Variants in PPFIA1 observed in about 807,000 individuals in gnomAD.
The protein encoded by PPFIA1 is PPFI scaffold protein A1.
In PPFIA1, 25 loss-of-function variants were observed where a neutral mutation model predicts 149.9. That is an observed-to-expected ratio of 0.17 (90% CI 0.12 to 0.23). The LOEUF is 0.23. Ranked by LOEUF, PPFIA1 falls within the 10% of genes least tolerant of loss-of-function variation. The pLI is 1.00. For synonymous variants in PPFIA1, 549 were observed against 552.8 expected, an observed-to-expected ratio of 0.99 and a Z score of 0.10; for missense variants, 1,362 against 1,506.5, an observed-to-expected ratio of 0.90 and a Z score of 1.59.
intron 4 of PPFIA1, 129 bp downstream of exon 4, chr11:70,325,140 G>T: frequency 1.1e-5 from 10 of 870,702 alleles, no homozygotes; most frequent in Non-Finnish European, 1.7e-5. Context: ...AAGAAGACAG[G>T]GTTTTGTAGG....
At chr11:70,294,196 C>T (rs968107065) in intron 2 of PPFIA1, among the ~76,000 whole-genome samples, 1 of 152,042 alleles carries the variant, frequency 6.6e-6, no homozygotes, top group Non-Finnish European at 1.5e-5. Flanking sequence ...TCTACCTCGG[C>T]CTCCCAAAGT....
Position 70,333,582 on chromosome 11 carries a change from G to A in PPFIA1, c.1296+29G>A, listed in dbSNP as rs202121676. The A allele has an allele frequency of 1.3e-4, 204 of 1,564,464 alleles. No homozygotes were observed. In the African/African-American group the frequency reaches 2.4e-3, roughly 18 times the overall value. On this transcript the variant is annotated intron_variant, in intron 10 of 27. Transcript: ENST00000253925. ...AGCATGCAGCCCTGAGGGTGGGGGC[G>A]CTGAGTGGGTGCTGCAAGGTCATTG...
chr11:70,350,862 A>G, intron 16 of PPFIA1: 2 of 307,136 alleles, frequency 6.5e-6, no homozygotes, highest in Non-Finnish European at 9.9e-6. Flanking sequence ...GTATCCAGTT[A>G]CATTTTCTCT....
intron 14 of PPFIA1, among the ~76,000 whole-genome samples, chr11:70,341,558 G>A (rs2055332981): frequency 6.6e-6 from 1 of 152,162 alleles, no homozygotes; most frequent in South Asian, 2.1e-4. Context: ...GTCCAGGGGA[G>A]GTGGCAGGTT....
intron 2 of PPFIA1, among the ~76,000 whole-genome samples, chr11:70,317,810 G>C (rs551325724): frequency 2.0e-4 from 30 of 152,276 alleles, no homozygotes; most frequent in Non-Finnish European, 3.1e-4. Context: ...GAGTTGTGAA[G>C]TGCTCTTCCT....
chr11:70,334,861 TGAG>T (rs1271140874), intron 10 of PPFIA1, among the ~76,000 whole-genome samples: 2 of 152,210 alleles, frequency 1.3e-5, no homozygotes, highest in African/African-American at 4.8e-5. Flanking sequence ...ACTTGGGCGA[TGAG>T]GGCATGGAGG....
chr11:70,333,108 G>T (rs1042426565), intron 9 of PPFIA1: 3 of 471,022 alleles, frequency 6.4e-6, no homozygotes, highest in Admixed American at 4.7e-5. Flanking sequence ...TAGAATGGGT[G>T]CACTGCTCCT....
At chr11:70,278,036 G>A (rs944430088) in intron 2 of PPFIA1, among the ~76,000 whole-genome samples, 1 of 151,654 alleles carries the variant, frequency 6.6e-6, no homozygotes, top group Non-Finnish European at 1.5e-5. Context: ...TCAGCCGCCC[G>A]AGTAGCTGGA....
At chr11:70,277,060 A>AATATATATATATATATATATATATAT (rs2050438033) in intron 2 of PPFIA1, among the ~76,000 whole-genome samples, 1 of 66,326 alleles carries the variant, frequency 1.5e-5, no homozygotes, top group African/African-American at 1.2e-4. Context: ...ATATATATAT[A>AATATATATATATATATATATATATAT]TTTTTTTTTT....
chr11:70,296,620 G>A (rs965500128), intron 2 of PPFIA1, among the ~76,000 whole-genome samples: 2 of 151,674 alleles, frequency 1.3e-5, no homozygotes, highest in Admixed American at 6.6e-5. Context: ...GCAGTGAGCC[G>A]AGATGGCAGC....
At position 70,287,696 on chromosome 11, in the gene PPFIA1, C is replaced by T. The variant is rs575302649; in HGVS notation, c.264+15260C>T. ...TTTCACTCTGTTTCCTAGGCTGGAG[C>T]GCAGTGACACAATCACAGCTCACCG... is the stretch of plus-strand genomic sequence containing the variant. On this transcript the variant is annotated intron_variant, in intron 2 of 27. Transcript: ENST00000253925. Among the ~76,000 whole-genome samples the T allele has an allele frequency of 4.5e-4, 68 of 151,570 alleles. 1 individual carries two copies. The South Asian group carries it at 0.013, about 30-fold the overall frequency.
At chr11:70,272,534 T>A in intron 2 of PPFIA1, 98 bp downstream of exon 2, 1 of 1,346,718 alleles carries the variant, frequency 7.4e-7, no homozygotes, top group Non-Finnish European at 1.0e-6. Context: ...GTATTTTCCG[T>A]AACGATTTGT....
At chr11:70,378,835 G>A (rs908668662) in intron 26 of PPFIA1, among the ~76,000 whole-genome samples, 1 of 152,136 alleles carries the variant, frequency 6.6e-6, no homozygotes, top group East Asian at 1.9e-4. Flanking sequence ...TCCCTTAGAC[G>A]GCCACTTTGA....
intron 18 of PPFIA1, among the ~76,000 whole-genome samples, 153 bp downstream of exon 18, chr11:70,355,964 T>C (rs2056340156): frequency 6.6e-6 from 1 of 152,228 alleles, no homozygotes; most frequent in Non-Finnish European, 1.5e-5. Flanking sequence ...AGCAGCAGTT[T>C]ATGCTCACTT....
rs550273485 is a variant in PPFIA1, at chr11:70,296,607, G to A, written c.264+24171G>A. 2.0e-4 allele frequency among the ~76,000 whole-genome samples: 30 copies of A among 151,948 alleles called. No homozygotes were observed. In the East Asian group the frequency reaches 5.6e-3, roughly 29 times the overall value. ...TGAGGCAGGAGAATCAGGCAGGGAGGTTGCAGTGAGCCGAGATGGCAGCAG... is the reference window on the plus strand; with the variant it reads ...TGAGGCAGGAGAATCAGGCAGGGAGATTGCAGTGAGCCGAGATGGCAGCAG... On this transcript the variant is annotated intron_variant, in intron 2 of 27. Coordinates refer to ENST00000253925, the MANE Select transcript of PPFIA1 (RefSeq NM_003626.5).
At chr11:70,281,167 T>A (rs1315468013) in intron 2 of PPFIA1, among the ~76,000 whole-genome samples, 2 of 152,224 alleles carry the variant, frequency 1.3e-5, no homozygotes, top group Admixed American at 6.5e-5. Context: ...CGCCCATTTT[T>A]GTTTTTTTAA....
At chr11:70,287,830 A>G (rs955103536) in intron 2 of PPFIA1, among the ~76,000 whole-genome samples, 2 of 150,580 alleles carry the variant, frequency 1.3e-5, no homozygotes, top group African/African-American at 4.9e-5. Flanking sequence ...TTATTTTTGT[A>G]AAGATGAGGT....
At chr11:70,339,396 T>C in intron 14 of PPFIA1, 90 bp downstream of exon 14, 1 of 1,445,374 alleles carries the variant, frequency 6.9e-7, no homozygotes, top group Non-Finnish European at 9.4e-7. Flanking sequence ...AAAATGTTGA[T>C]AGGTCATTGC....
At chr11:70,294,327 A>T (rs974284366) in intron 2 of PPFIA1, among the ~76,000 whole-genome samples, 7 of 152,066 alleles carry the variant, frequency 4.6e-5, no homozygotes, top group Admixed American at 6.6e-5. Context: ...GAACGTTTGG[A>T]GATGGCGAGG....
Sources: gnomAD v4.1 joint callset for allele counts (sites outside exome capture counted in the v4.1 genomes callset) on GRCh38, gnomAD v4.1.1 for gene constraint, MANE v1.5 for transcripts, NCBI Gene and HGNC (gene_info 2026-07-23, HGNC 2026-07-21) for gene names.